The following GC variants were observed in gnomAD, a reference collection of about 807,000 sequenced individuals.
GC encodes the protein vitamin D-binding protein.
GC carries 43 observed loss-of-function variants against 56.7 expected under a neutral mutation model. That is an observed-to-expected ratio of 0.76 (90% CI 0.59 to 0.98). GC has a LOEUF of 0.98. GC is among the 50% of genes least tolerant of loss of function. GC has a pLI of 0.00. For missense variants in GC, 529 were observed against 545.9 expected (o/e 0.97, Z 0.31); for synonymous variants, 216 against 202.7 (o/e 1.07, Z -0.56).
At chr4:71,775,032 CTTTT>C (rs61069688) in intron 1 of GC, among the ~76,000 whole-genome samples, 2 of 138,746 alleles carry the variant, frequency 1.4e-5, no homozygotes. Context: ...TTCCCCGGCC[CTTTT>C]TTTTTTTTTT....
upstream of GC, chr4:71,784,153 A>G (rs531467130): frequency 4.4e-6 from 6 of 1,354,236 alleles, no homozygotes; most frequent in East Asian, 1.4e-4. Context: ...CTCAGAAGCA[A>G]CACAGAATTA....
intron 1 of GC, among the ~76,000 whole-genome samples, chr4:71,782,286 A>T (rs1742706685): frequency 6.6e-6 from 1 of 151,784 alleles, no homozygotes; most frequent in East Asian, 1.9e-4. Context: ...CTTAATCTGT[A>T]CACTTTGTAA....
chr4:71,787,887 T>C (rs1742877525), upstream of GC, among the ~76,000 whole-genome samples: 1 of 151,856 alleles, frequency 6.6e-6, no homozygotes, highest in Non-Finnish European at 1.5e-5. Flanking sequence ...ACACACAGTC[T>C]GATGGAAGAT....
chr4:71,800,544 G>A (rs558820682), intron 1 of GC, among the ~76,000 whole-genome samples: 49 of 152,168 alleles, frequency 3.2e-4, no homozygotes, highest in African/African-American at 9.9e-4. Flanking sequence ...GTAAATATAC[G>A]TGTGCATATA....
intron 1 of GC, among the ~76,000 whole-genome samples, chr4:71,780,729 G>T (rs1410158024): frequency 1.3e-5 from 2 of 152,074 alleles, no homozygotes; most frequent in African/African-American, 2.4e-5. Context: ...AAAAAGTCAG[G>T]AAACAACAGG....
intron 12 of GC, among the ~76,000 whole-genome samples, chr4:71,745,878 C>T (rs222045): frequency 1 from 152,105 of 152,216 alleles, 75,997 homozygotes; most frequent in Middle Eastern, 1. Flanking sequence ...ATGTTCTTTA[C>T]GGTATCATTA....
At chr4:71,748,172 A>G (rs894275900) in intron 11 of GC, among the ~76,000 whole-genome samples, 1 of 152,204 alleles carries the variant, frequency 6.6e-6, no homozygotes, top group East Asian at 1.9e-4. Flanking sequence ...GGGTTATTCT[A>G]TAAATACATA....
chr4:71,757,945 A>C, intron 7 of GC, 97 bp downstream of exon 7: 11 of 868,352 alleles, frequency 1.3e-5, no homozygotes, highest in Non-Finnish European at 2.0e-5. Flanking sequence ...CCGTTAGGAT[A>C]ATGCATATGA....
chr4:71,784,720 G>C (rs1384265777), upstream of GC, among the ~76,000 whole-genome samples: 1 of 151,680 alleles, frequency 6.6e-6, no homozygotes, highest in African/African-American at 2.4e-5. Context: ...CAAATAACTG[G>C]AGAGGTTAAA....
chr4:71,764,264 G>A (rs867866564), intron 4 of GC, among the ~76,000 whole-genome samples: 1 of 152,088 alleles, frequency 6.6e-6, no homozygotes, highest in African/African-American at 2.4e-5. Context: ...TTACAGATGT[G>A]AGCCACCATG....
chr4:71,768,207 T>C, intron 3 of GC, 94 bp downstream of exon 3: 1 of 940,142 alleles, frequency 1.1e-6, no homozygotes, highest in Middle Eastern at 2.7e-4. Context: ...GTAAATGGAG[T>C]TGCTGTCTAA....
chr4:71,763,688 AG>A (rs1281108272), intron 5 of GC, 115 bp downstream of exon 5: 1 of 877,688 alleles, frequency 1.1e-6, no homozygotes, highest in African/African-American at 1.7e-5. Context: ...AGAAGATGCA[AG>A]GGTGGCATTT....
At chr4:71,800,124 T>C (rs900621171) in intron 1 of GC, among the ~76,000 whole-genome samples, 18 of 151,914 alleles carry the variant, frequency 1.2e-4, no homozygotes, top group African/African-American at 4.4e-4. Context: ...AACATGCAGG[T>C]TTGTTATATA....
At chr4:71,774,823 A>C (rs1416106099) in intron 1 of GC, among the ~76,000 whole-genome samples, 2 of 151,952 alleles carry the variant, frequency 1.3e-5, no homozygotes, top group Non-Finnish European at 2.9e-5. Flanking sequence ...AATTATTTCT[A>C]TGAAAAATTG....
chr4:71,774,449 T>G (rs938252002), intron 1 of GC, among the ~76,000 whole-genome samples: 11 of 151,858 alleles, frequency 7.2e-5, no homozygotes, highest in African/African-American at 2.7e-4. Context: ...CACCTCTCTT[T>G]CCTTTTGTGG....
At chr4:71,770,959 A>T (rs1220845837) in intron 1 of GC, among the ~76,000 whole-genome samples, 1 of 152,178 alleles carries the variant, frequency 6.6e-6, no homozygotes, top group Non-Finnish European at 1.5e-5. Flanking sequence ...TCCATCACAT[A>T]TGTAATAGGG....
At chr4:71,741,986 A>G (rs1029883504) in intron 12 of GC, 116 bp from the exon 13 acceptor site, 56 of 686,528 alleles carry the variant, frequency 8.2e-5, no homozygotes, top group Admixed American at 8.2e-5. Flanking sequence ...TATGCCAAAA[A>G]TGACTCTGTC....
At chr4:71,742,861 C>G (rs1255689829) in intron 12 of GC, among the ~76,000 whole-genome samples, 3 of 152,158 alleles carry the variant, frequency 2.0e-5, no homozygotes, top group Admixed American at 6.5e-5. Context: ...GTAGTCCCAG[C>G]TCCTCGGGTG....
At position 71,751,835 on chromosome 4, in the gene GC, C is replaced by A. The variant is rs1033262216; in HGVS notation, c.1395+683G>T. Among the ~76,000 whole-genome samples, 14 of 142,312 alleles carry A rather than the reference C, an allele frequency of 9.8e-5. 1 individual carries two copies. The highest frequency in any genetic ancestry group is 9.2e-4 in the Admixed American group (13 of 14,200). The allele number at this position is 142,312 out of a possible 152,430, so 93.4% of individuals were successfully genotyped here. A position where few individuals can be genotyped will look rare whatever the true frequency, so the allele number is the denominator to read the frequency against. On this transcript the variant is annotated intron_variant, in intron 11 of 12. Transcript: ENST00000273951. ...ATTGATAGTGTCTAAAAAAGAAATT[C>A]GTAATAAAAAATGACTAAAATTTTA... is the stretch of plus-strand genomic sequence containing the variant.
Sources: allele counts gnomAD v4.1 joint callset (sites outside exome capture counted in the v4.1 genomes callset), GRCh38; gene constraint gnomAD v4.1.1; transcripts MANE v1.5; gene names NCBI Gene and HGNC (gene_info 2026-07-23, HGNC 2026-07-21).